Variants in FUZ observed in about 807,000 individuals in gnomAD.
FUZ encodes protein fuzzy homolog.
FUZ carries 31 observed loss-of-function variants against 43.1 expected under a neutral mutation model. The ratio of observed to expected loss-of-function variants is 0.72; its 90% confidence interval spans 0.54 to 0.97. The LOEUF is 0.97. FUZ is among the 50% of genes least tolerant of loss of function. The pLI is 0.00. For missense variants in FUZ, 539 were observed against 543.8 expected, an observed-to-expected ratio of 0.99 and a Z score of 0.09; for synonymous variants, 274 against 250.0, an observed-to-expected ratio of 1.10 and a Z score of -0.91.
At position 49,807,056 on chromosome 19, in the gene FUZ, C is replaced by T. The variant is rs1456964169; in HGVS notation, c.*95G>A. On this transcript the variant is annotated 3_prime_UTR_variant, in exon 11 of 11. Coordinates refer to ENST00000313777, the MANE Select transcript of FUZ (RefSeq NM_025129.5). ...CCCACCCTGTTGTAGCCCCTCCTAC[C>T]CCCTCCCCATCCAGGGGCTGTGTAT... 5 of 1,382,418 alleles carry T rather than the reference C, an allele frequency of 3.6e-6. No individual in the cohort carries two copies. Among genetic ancestry groups the T allele is most frequent in the Non-Finnish European group, 2.9e-6 (3 of 1,036,884 alleles). The allele number at this position is 1,382,418 out of a possible 1,614,324, so 85.6% of individuals were successfully genotyped here.
At chr19:49,813,550 C>T (rs567270687), upstream of FUZ, 5 of 317,790 alleles carry the variant, frequency 1.6e-5, no homozygotes, top group East Asian at 3.4e-4. Flanking sequence ...AAAGCATTGC[C>T]TAGCAACCAC....
intron 5 of FUZ, among the ~76,000 whole-genome samples, chr19:49,810,287 C>T (rs532251910): frequency 1.0e-3 from 153 of 151,876 alleles, no homozygotes; most frequent in Non-Finnish European, 1.3e-3. Flanking sequence ...GAGGCTGAGG[C>T]GGGAGGACTG....
upstream of FUZ, chr19:49,813,346 C>A (rs752240337): frequency 1.7e-6 from 1 of 602,826 alleles, no homozygotes; most frequent in Non-Finnish European, 3.0e-6. Flanking sequence ...GTCACGGTAC[C>A]CCTAACAAAG....
chr19:49,809,217 C>A lies in FUZ; in HGVS notation c.732G>T (p.Leu244=). 6.4e-7 allele frequency: 1 copy of A among 1,551,272 alleles called. No homozygotes were observed. Among genetic ancestry groups the A allele is most frequent in the Non-Finnish European group, 8.7e-7 (1 of 1,147,048 alleles). ...RLLTLTLLPS[L]ELCLLCGPSP... ...TCGGCCCGCAGAGTAGACACAGCTCCAGGCTCGGCAGCAGAGTCAGGGTCA... is the reference window on the plus strand; with the variant it reads ...TCGGCCCGCAGAGTAGACACAGCTCAAGGCTCGGCAGCAGAGTCAGGGTCA... The change falls in exon 7 of 11, where the codon CTG becomes CTT. Residue 244 remains leucine, a synonymous_variant. Transcript: ENST00000313777. The surrounding 1 kb of genome is among the most constrained non-coding windows in gnomAD (Gnocchi z 5.1).
Position 49,808,696 on chromosome 19 carries a change from C to T in FUZ, c.893+21G>A, listed in dbSNP as rs141711433. 14,600 of 1,600,668 alleles carry T rather than the reference C, an allele frequency of 9.1e-3. 120 individuals carry two copies. Among genetic ancestry groups the T allele is most frequent in the South Asian group, 0.024 (2,149 of 88,978 alleles). ...GGAAGAGGACATGACCCCCGACCCA[C>T]TCCCTCCATCCGAGCCCTACCCGAG... On this transcript the variant is annotated intron_variant, in intron 8 of 10. Coordinates refer to ENST00000313777, the MANE Select transcript of FUZ (RefSeq NM_025129.5).
intron 10 of FUZ, among the ~76,000 whole-genome samples, 199 bp from the exon 11 acceptor site, chr19:49,807,573 C>T (rs2073456889): frequency 2.0e-5 from 3 of 152,186 alleles, no homozygotes; most frequent in Admixed American, 2.0e-4. Flanking sequence ...AGCTCACCCT[C>T]TTCCTCTTTC....
intron 10 of FUZ, 118 bp from the exon 11 acceptor site, chr19:49,807,492 C>T (rs2123784715): frequency 1.9e-6 from 2 of 1,079,174 alleles, no homozygotes; most frequent in East Asian, 2.6e-5. Flanking sequence ...GTTTTGGGAG[C>T]CTCCTGCCAG....
At position 49,806,871 on chromosome 19, in the gene FUZ, G is replaced by A. The variant is rs758774782; in HGVS notation, c.*280C>T. 1 of 1,567,320 alleles carries A rather than the reference G, an allele frequency of 6.4e-7. No individual in the cohort carries two copies. Among genetic ancestry groups the A allele is most frequent in the Non-Finnish European group, 8.6e-7 (1 of 1,160,670 alleles). On this transcript the variant is annotated 3_prime_UTR_variant, in exon 11 of 11. Transcript: ENST00000313777. Reference sequence around the variant, plus strand: ...TGACAGAGAAGACACCAGGGTTTGGGGGATGCCTGGGACTTTCCTCCGGCC... The same window carrying A: ...TGACAGAGAAGACACCAGGGTTTGGAGGATGCCTGGGACTTTCCTCCGGCC...
chr19:49,811,199 A>C lies in FUZ; in HGVS notation c.492+164T>G, dbSNP rs1438385003. 1.7e-5 allele frequency: 11 copies of C among 649,458 alleles called. No individual in the cohort carries two copies. The East Asian group carries it at 2.5e-4, about 15-fold the overall frequency. The allele number at this position is 649,458 out of a possible 1,614,324, so 40.2% of individuals were successfully genotyped here. A position where few individuals can be genotyped will look rare whatever the true frequency, so the allele number is the denominator to read the frequency against. ...GAAAAAAGAAAAGAAAGAGAAAGAA[A>C]AGAAAAAAAAAAAAGAAAAAAGATT... On this transcript the variant is annotated intron_variant, in intron 5 of 10. Coordinates refer to ENST00000313777, the MANE Select transcript of FUZ (RefSeq NM_025129.5).
rs2073520752 is a variant in FUZ at position 49,808,388 on chromosome 19, GTGGGAGCAC to G, written c.1033+17_1033+25del. 1.2e-6 allele frequency: 2 copies of G among 1,605,790 alleles called. No individual in the cohort carries two copies. Among genetic ancestry groups the G allele is most frequent in the East Asian group, 4.5e-5 (2 of 44,554 alleles). On this transcript the variant is annotated intron_variant, in intron 10 of 10. Transcript: ENST00000313777. ...GGGACTCAGTGTCCCCGCCTGCGCAGTGGGAGCACTGTGCCTTCCGCTGACCTGGTGGGA... is the reference window on the plus strand; with the variant it reads ...GGGACTCAGTGTCCCCGCCTGCGCAGTGTGCCTTCCGCTGACCTGGTGGGA...
rs1318675397 is a variant in FUZ, at chr19:49,807,014, G to A, written c.*137C>T. On this transcript the variant is annotated 3_prime_UTR_variant, in exon 11 of 11. Transcript: ENST00000313777. ...GGGGAGAGGGGCCAGGGAAGTGGAT[G>A]TCTCCTCCCCTCCCACCCCACCCTG... 1.3e-6 allele frequency: 2 copies of A among 1,498,834 alleles called. No individual in the cohort carries two copies. Among genetic ancestry groups the A allele is most frequent in the Admixed American group, 2.0e-5 (1 of 49,740 alleles). The allele number at this position is 1,498,834 out of a possible 1,614,324, so 92.8% of individuals were successfully genotyped here.
chr19:49,813,003 C>A lies in FUZ; in HGVS notation c.104G>T (p.Arg35Leu). The change falls in exon 1 of 11, where the codon CGT becomes CTT. Residue 35 changes from arginine (R) to leucine (L), a missense_variant. Arg to Leu is a moderately radical substitution (Grantham distance 102). Coordinates refer to ENST00000313777, the MANE Select transcript of FUZ (RefSeq NM_025129.5). ...CRSSRGGAPA[R>L]QQLPFSVIGS... Reference sequence around the variant, plus strand: ...AGGCGTCCAAGGCCCCACCTGCTGACGGGCGGGGGCGCCGCCGCGACTGCT... The same window carrying A: ...AGGCGTCCAAGGCCCCACCTGCTGAAGGGCGGGGGCGCCGCCGCGACTGCT... 2 of 1,550,840 alleles carry A rather than the reference C, an allele frequency of 1.3e-6. No homozygotes were observed. Among genetic ancestry groups the A allele is most frequent in the Admixed American group, 2.0e-5 (1 of 51,006 alleles).
intron 9 of FUZ, 35 bp from the exon 10 acceptor site, chr19:49,808,523 T>C: frequency 6.3e-7 from 1 of 1,599,550 alleles, no homozygotes; most frequent in South Asian, 1.1e-5. Context: ...GCAGAGCGCC[T>C]CCCCGGCCCA....
chr19:49,811,569 T>C (rs2073793806), intron 4 of FUZ, 62 bp downstream of exon 4: 2 of 1,564,124 alleles, frequency 1.3e-6, no homozygotes, highest in East Asian at 2.2e-5. Context: ...CTGGGAACTG[T>C]AGTTCCCAAA....
intron 7 of FUZ, 33 bp from the exon 8 acceptor site, chr19:49,808,856 T>C: frequency 6.9e-7 from 1 of 1,459,760 alleles, no homozygotes; most frequent in Non-Finnish European, 9.1e-7. Context: ...GAGGTCGTCA[T>C]GGGAAGGCGG....
intron 10 of FUZ, 26 bp downstream of exon 10, chr19:49,808,388 G>T (rs781077490): frequency 1.2e-6 from 2 of 1,605,790 alleles, no homozygotes; most frequent in Non-Finnish European, 1.7e-6. Flanking sequence ...CGCCTGCGCA[G>T]TGGGAGCACT....
chr19:49,808,872 G>A (rs1301813932), intron 7 of FUZ, 49 bp from the exon 8 acceptor site: 3 of 1,447,960 alleles, frequency 2.1e-6, no homozygotes, highest in Non-Finnish European at 1.9e-6. Context: ...GGCGGGGCCG[G>A]CGGGGGAGGT....
rs1177408618 is a variant in FUZ, at chr19:49,807,002, A to G, written c.*149T>C. On this transcript the variant is annotated 3_prime_UTR_variant, in exon 11 of 11. Transcript: ENST00000313777. ...CCCAAGCACAGAGGGGAGAGGGGCCAGGGAAGTGGATGTCTCCTCCCCTCC... is the reference window on the plus strand; with the variant it reads ...CCCAAGCACAGAGGGGAGAGGGGCCGGGGAAGTGGATGTCTCCTCCCCTCC... 14 of 1,498,200 alleles carry G rather than the reference A, an allele frequency of 9.3e-6. No individual in the cohort carries two copies. Among genetic ancestry groups the G allele is most frequent in the Non-Finnish European group, 1.2e-5 (14 of 1,126,144 alleles). 92.8% of individuals were successfully genotyped at this position (1,498,200 alleles called of 1,614,324 possible). A position where few individuals can be genotyped will look rare whatever the true frequency, so the allele number is the denominator to read the frequency against.
Position 49,808,698 on chromosome 19 carries a change from C to G in FUZ, c.893+19G>C. On this transcript the variant is annotated intron_variant, in intron 8 of 10. Transcript: ENST00000313777. ...AAGAGGACATGACCCCCGACCCACT[C>G]CCTCCATCCGAGCCCTACCCGAGGA... The G allele has an allele frequency of 6.9e-6, 11 of 1,600,266 alleles. No homozygotes were observed. Among genetic ancestry groups the G allele is most frequent in the Non-Finnish European group, 9.4e-6 (11 of 1,173,546 alleles).
Sources: allele counts gnomAD v4.1 joint callset (sites outside exome capture counted in the v4.1 genomes callset), GRCh38; gene constraint gnomAD v4.1.1; non-coding constraint Gnocchi (gnomAD v3.1); transcripts MANE v1.5; gene names NCBI Gene and HGNC (gene_info 2026-07-23, HGNC 2026-07-21).